NMT2: variants seen among roughly 807,000 people sequenced by gnomAD.
The protein encoded by NMT2 is glycylpeptide N-tetradecanoyltransferase 2.
In NMT2, 35 loss-of-function variants were observed where a neutral mutation model predicts 65.4. That is an observed-to-expected ratio of 0.54 (90% CI 0.41 to 0.71). NMT2 has a LOEUF of 0.71. Ranked by LOEUF, NMT2 falls within the 30% of genes least tolerant of loss-of-function variation. The pLI is 0.00. For missense variants in NMT2, 489 were observed against 611.3 expected (o/e 0.80, Z 2.11); for synonymous variants, 226 against 231.8 (o/e 0.98, Z 0.23).
chr10:15,110,692 C>G (rs753269440), intron 10 of NMT2, among the ~76,000 whole-genome samples: 1 of 152,170 alleles, frequency 6.6e-6, no homozygotes, highest in Non-Finnish European at 1.5e-5. Context: ...TTCAGAAACG[C>G]TGAATCCCAA....
chr10:15,161,016 G>A (rs979942846), intron 1 of NMT2, among the ~76,000 whole-genome samples: 1 of 142,210 alleles, frequency 7.0e-6, no homozygotes, highest in African/African-American at 2.7e-5. Context: ...GATCACCTGA[G>A]GTCAAGGTCA....
At chr10:15,117,884 C>A (rs184606077) in intron 9 of NMT2, among the ~76,000 whole-genome samples, 1 of 152,086 alleles carries the variant, frequency 6.6e-6, no homozygotes, top group African/African-American at 2.4e-5. Flanking sequence ...TTTAAAAGAC[C>A]GAAATAAATG....
intron 9 of NMT2, 42 bp downstream of exon 9, chr10:15,119,301 G>T: frequency 1.3e-6 from 2 of 1,567,154 alleles, no homozygotes; most frequent in Non-Finnish European, 8.8e-7. Context: ...AACACAAAGG[G>T]TGCTTCAAGG....
chr10:15,132,901 C>A lies in NMT2; in HGVS notation c.635G>T (p.Trp212Leu), dbSNP rs891031699. ...TGAAGACACTCTGACCCCACAGTGC[C>A]ACTGCAGGAGCCAGCCTGGTGGACG... ...ALRPPGWLLQWHCGVRVSSNK... is the reference protein window; with the variant it reads ...ALRPPGWLLQLHCGVRVSSNK... The change falls in exon 6 of 12, where the codon TGG (tryptophan) becomes TTG (leucine). Residue 212 changes from tryptophan (W) to leucine (L), a missense_variant. Coordinates refer to ENST00000378165, the MANE Select transcript of NMT2 (RefSeq NM_004808.3). 6.2e-6 allele frequency: 10 copies of A among 1,613,654 alleles called. No homozygotes were observed. The African/African-American group carries it at 1.2e-4, about 19-fold the overall frequency.
chr10:15,108,317 G>T lies in NMT2; in HGVS notation c.*878C>A. On this transcript the variant is annotated 3_prime_UTR_variant, in exon 12 of 12. Coordinates refer to ENST00000378165, the MANE Select transcript of NMT2 (RefSeq NM_004808.3). ...TTCTCCTGCCTCAGCCTCCCAAGCA[G>T]CTGGGACTACAGGCACACGCCACCA... 1 of 558,198 alleles carries T rather than the reference G, an allele frequency of 1.8e-6. No individual in the cohort carries two copies. The highest frequency in any genetic ancestry group is 2.3e-6 in the Non-Finnish European group (1 of 439,922). 34.6% of individuals were successfully genotyped at this position (558,198 alleles called of 1,614,324 possible). A position where few individuals can be genotyped will look rare whatever the true frequency, so the allele number is the denominator to read the frequency against.
At chr10:15,161,081 CAAAAAAAAA>C (rs750859200) in intron 1 of NMT2, among the ~76,000 whole-genome samples, 5 of 19,274 alleles carry the variant, frequency 2.6e-4, no homozygotes, top group Non-Finnish European at 4.5e-4. Context: ...CCTCAAAAAT[CAAAAAAAAA>C]AAAAAAAAAA....
intron 9 of NMT2, among the ~76,000 whole-genome samples, chr10:15,118,792 C>G (rs1037915514): frequency 2.0e-5 from 3 of 152,154 alleles, no homozygotes; most frequent in African/African-American, 7.2e-5. Flanking sequence ...AACAGGAACT[C>G]TCTTACACTG....
At chr10:15,113,138 C>T (rs1418125779) in intron 9 of NMT2, among the ~76,000 whole-genome samples, 175 bp from the exon 10 acceptor site, 1 of 152,092 alleles carries the variant, frequency 6.6e-6, no homozygotes, top group Non-Finnish European at 1.5e-5. Flanking sequence ...CCAAGAAGGG[C>T]CTGGAGTTGG....
chr10:15,130,542 C>CA (rs1846241989), intron 6 of NMT2, among the ~76,000 whole-genome samples: 1 of 141,230 alleles, frequency 7.1e-6, no homozygotes, highest in Non-Finnish European at 1.5e-5. Flanking sequence ...CTCATCTCTA[C>CA]AAAAAACAAA....
At chr10:15,167,266 A>C (rs1355804079) in intron 1 of NMT2, among the ~76,000 whole-genome samples, 1 of 152,218 alleles carries the variant, frequency 6.6e-6, no homozygotes, top group Non-Finnish European at 1.5e-5. Flanking sequence ...ACAACTTGCA[A>C]ATGGGAGATG....
intron 1 of NMT2, among the ~76,000 whole-genome samples, chr10:15,161,081 C>CAAACAAAAAA (rs1833173818): frequency 5.2e-5 from 1 of 19,274 alleles, no homozygotes; most frequent in African/African-American, 1.7e-4. Flanking sequence ...CCTCAAAAAT[C>CAAACAAAAAA]AAAAAAAAAA....
At chr10:15,155,266 GC>G (rs1203176344) in intron 1 of NMT2, 2 of 1,450,280 alleles carry the variant, frequency 1.4e-6, no homozygotes, top group Non-Finnish European at 1.9e-6. Flanking sequence ...AAGGAGACGT[GC>G]CCCAAGGCCT....
intron 1 of NMT2, chr10:15,168,284 CAGCCT>C: frequency 4.8e-6 from 2 of 418,250 alleles, no homozygotes; most frequent in East Asian, 4.5e-5. Context: ...GCCCGGGCCC[CAGCCT>C]CCCCGCCCAC....
intron 11 of NMT2, 95 bp from the exon 12 acceptor site, chr10:15,109,310 C>T: frequency 1.4e-6 from 2 of 1,469,560 alleles, no homozygotes; most frequent in Admixed American, 4.4e-5. Flanking sequence ...AGGCTCAGCT[C>T]ACACCTGTAA....
chr10:15,156,587 C>T (rs904212273), intron 1 of NMT2, among the ~76,000 whole-genome samples: 1 of 152,048 alleles, frequency 6.6e-6, no homozygotes, highest in African/African-American at 2.4e-5. Context: ...GTGATTCATT[C>T]GAATGTTCTA....
chr10:15,147,373 A>G (rs559525362), intron 1 of NMT2, among the ~76,000 whole-genome samples: 1 of 152,176 alleles, frequency 6.6e-6, no homozygotes, highest in South Asian at 2.1e-4. Context: ...ATTTTCATGC[A>G]TTTTTGAACT....
At chr10:15,129,614 T>C (rs1564569840) in intron 7 of NMT2, among the ~76,000 whole-genome samples, 1 of 152,210 alleles carries the variant, frequency 6.6e-6, no homozygotes, top group Non-Finnish European at 1.5e-5. Flanking sequence ...AATTTTAAGA[T>C]CATCATGTCC....
At chr10:15,113,822 A>G (rs1172958401) in intron 9 of NMT2, among the ~76,000 whole-genome samples, 2 of 152,204 alleles carry the variant, frequency 1.3e-5, no homozygotes, top group African/African-American at 4.8e-5. Flanking sequence ...CAGCTATCAA[A>G]AATAAGGGAT....
chr10:15,164,758 C>T (rs947748004), intron 1 of NMT2, among the ~76,000 whole-genome samples: 2 of 152,104 alleles, frequency 1.3e-5, no homozygotes, highest in Non-Finnish European at 2.9e-5. Context: ...ATCCTCCAGG[C>T]CGGGCACCAT....
Sources: allele counts gnomAD v4.1 joint callset (sites outside exome capture counted in the v4.1 genomes callset), GRCh38; gene constraint gnomAD v4.1.1; transcripts MANE v1.5; gene names NCBI Gene and HGNC (gene_info 2026-07-23, HGNC 2026-07-21).